GRM7: variants seen among roughly 807,000 people sequenced by gnomAD.
GRM7 encodes metabotropic glutamate receptor 7.
GRM7 carries 35 observed loss-of-function variants against 84.5 expected under a neutral mutation model. The observed-to-expected ratio is 0.41, with a 90% CI of 0.32 to 0.55. GRM7 has a LOEUF of 0.55. Among genes scored for constraint, GRM7 ranks in the 20% least tolerant of loss-of-function variants. The pLI is 0.19. For synonymous variants in GRM7, 487 were observed against 455.1 expected, an observed-to-expected ratio of 1.07 and a Z score of -0.89; for missense variants, 1,003 against 1,194.6, an observed-to-expected ratio of 0.84 and a Z score of 2.36.
At chr3:7,628,880 G>A (rs1434315113) in intron 8 of GRM7, among the ~76,000 whole-genome samples, 3 of 152,156 alleles carry the variant, frequency 2.0e-5, no homozygotes, top group Non-Finnish European at 2.9e-5. Flanking sequence ...GCTTAGCTGC[G>A]TATCACAATT....
chr3:7,429,554 T>A (rs1696746895), intron 5 of GRM7, among the ~76,000 whole-genome samples: 1 of 152,178 alleles, frequency 6.6e-6, no homozygotes. Flanking sequence ...CAAATTGTTT[T>A]TAATACCCCT....
At chr3:6,934,400 C>T (rs1697614230) in intron 1 of GRM7, among the ~76,000 whole-genome samples, 1 of 152,090 alleles carries the variant, frequency 6.6e-6, no homozygotes, top group African/African-American at 2.4e-5. Context: ...CTGCCCCCCA[C>T]CCTGCCCCAT....
At chr3:6,972,143 C>T (rs888338833) in intron 1 of GRM7, among the ~76,000 whole-genome samples, 2 of 152,134 alleles carry the variant, frequency 1.3e-5, no homozygotes, top group African/African-American at 4.8e-5. Flanking sequence ...AGTGTCAGCA[C>T]AAATTTCTGA....
At chr3:7,073,017 TA>T (rs1434784450) in intron 1 of GRM7, among the ~76,000 whole-genome samples, 1 of 152,188 alleles carries the variant, frequency 6.6e-6, no homozygotes, top group Non-Finnish European at 1.5e-5. Context: ...GTGGACCCTA[TA>T]TTAAGTAACC....
intron 2 of GRM7, among the ~76,000 whole-genome samples, chr3:7,181,070 C>T (rs559120563): frequency 4.3e-4 from 65 of 152,210 alleles, no homozygotes; most frequent in African/African-American, 1.3e-3. Flanking sequence ...GTTCAGTGTC[C>T]ACTCATTAAC....
chr3:7,633,928 G>A (rs1385065823), intron 8 of GRM7, among the ~76,000 whole-genome samples: 1 of 152,096 alleles, frequency 6.6e-6, no homozygotes, highest in South Asian at 2.1e-4. Flanking sequence ...AACAGACATT[G>A]TTCAGCAGTT....
At chr3:7,391,532 G>A (rs1694993951) in intron 4 of GRM7, among the ~76,000 whole-genome samples, 1 of 152,038 alleles carries the variant, frequency 6.6e-6, no homozygotes, top group Non-Finnish European at 1.5e-5. Context: ...ACACAGGGTG[G>A]AGAACATCAC....
At chr3:7,389,561 C>A (rs775620992) in intron 4 of GRM7, among the ~76,000 whole-genome samples, 9 of 151,972 alleles carry the variant, frequency 5.9e-5, no homozygotes, top group Non-Finnish European at 1.0e-4. Flanking sequence ...GATGTGTGTA[C>A]ATTTTGGATA....
chr3:7,716,852 T>C (rs1472090092), intron 9 of GRM7, among the ~76,000 whole-genome samples: 3 of 152,226 alleles, frequency 2.0e-5, no homozygotes, highest in Non-Finnish European at 4.4e-5. Context: ...TTGAGATTTA[T>C]TGAATTTTCT....
intron 2 of GRM7, among the ~76,000 whole-genome samples, chr3:7,288,997 A>G (rs1699526562): frequency 6.6e-6 from 1 of 152,162 alleles, no homozygotes; most frequent in Non-Finnish European, 1.5e-5. Context: ...TTTTTTCCCC[A>G]TATACATGCA....
intron 7 of GRM7, among the ~76,000 whole-genome samples, chr3:7,546,972 T>TG (rs1375669475): frequency 6.6e-6 from 1 of 152,024 alleles, no homozygotes; most frequent in Non-Finnish European, 1.5e-5. Flanking sequence ...TTTTGGGAGG[T>TG]GGGATGCTTG....
intron 7 of GRM7, among the ~76,000 whole-genome samples, chr3:7,467,242 C>A (rs1186710270): frequency 2.0e-5 from 3 of 152,126 alleles, no homozygotes; most frequent in African/African-American, 7.2e-5. Flanking sequence ...CACGTGCCAC[C>A]ACACCCAGCT....
chr3:7,632,651 G>A (rs903179417), intron 8 of GRM7, among the ~76,000 whole-genome samples: 2 of 152,094 alleles, frequency 1.3e-5, no homozygotes, highest in African/African-American at 4.8e-5. Flanking sequence ...TGTAATGATG[G>A]GAGCAAATCC....
At chr3:7,737,235 G>T (rs915099831) in intron 9 of GRM7, among the ~76,000 whole-genome samples, 1 of 152,102 alleles carries the variant, frequency 6.6e-6, no homozygotes, top group African/African-American at 2.4e-5. Context: ...AGTAGCAATG[G>T]TGTATTAATA....
rs915636307 is a variant in GRM7, at chr3:7,658,110, T to C, written c.2452-21939T>C. ...TTTAGGTGCATCAAAAGGTATTCCT[T>C]ATGGCTGCATGGAGGAAGAATGGGG... On this transcript the variant is annotated intron_variant, in intron 8 of 9. Transcript: ENST00000357716. 3.9e-5 allele frequency among the ~76,000 whole-genome samples: 6 copies of C among 152,320 alleles called. 1 individual carries two copies. Among genetic ancestry groups the C allele is most frequent in the Admixed American group, 2.6e-4 (4 of 15,296 alleles).
At chr3:6,887,096 T>A (rs1375095878) in intron 1 of GRM7, among the ~76,000 whole-genome samples, 1 of 152,060 alleles carries the variant, frequency 6.6e-6, no homozygotes, top group Non-Finnish European at 1.5e-5. Flanking sequence ...ACTTTATGAG[T>A]CTTGTTGAGG....
chr3:7,033,996 C>G (rs149920365), intron 1 of GRM7, among the ~76,000 whole-genome samples: 136 of 152,234 alleles, frequency 8.9e-4, no homozygotes, highest in African/African-American at 3.1e-3. Flanking sequence ...TATGCCTAAG[C>G]ACCAATTACA....
At chr3:6,902,731 C>T (rs141983390) in intron 1 of GRM7, among the ~76,000 whole-genome samples, 1 of 152,202 alleles carries the variant, frequency 6.6e-6, no homozygotes, top group Non-Finnish European at 1.5e-5. Context: ...GTCATCCAAG[C>T]AGTGTCTACT....
At chr3:6,970,914 T>G (rs1414520938) in intron 1 of GRM7, among the ~76,000 whole-genome samples, 4 of 151,868 alleles carry the variant, frequency 2.6e-5, no homozygotes, top group South Asian at 2.1e-4. Flanking sequence ...CCCGGGAGGC[T>G]GAGGTTGCAG....
Sources: gnomAD v4.1 joint callset for allele counts (sites outside exome capture counted in the v4.1 genomes callset) on GRCh38, gnomAD v4.1.1 for gene constraint, MANE v1.5 for transcripts, NCBI Gene and HGNC (gene_info 2026-07-23, HGNC 2026-07-21) for gene names.